The following CHM variants were observed in gnomAD, a reference collection of about 807,000 sequenced individuals.
The protein encoded by CHM is CHM Rab escort protein.
Under a neutral mutation model 49.0 loss-of-function variants are expected in CHM, and 10 were observed. The ratio of observed to expected loss-of-function variants is 0.20; its 90% CI spans 0.13 to 0.35. The LOEUF (loss-of-function observed/expected upper bound fraction) is 0.35. Ranked by LOEUF, CHM falls within the 10% of genes least tolerant of loss-of-function variation. The probability of loss-of-function intolerance (pLI) is 1.00; values close to 1 mark genes in which losing one functional copy is unlikely to be tolerated. For missense variants in CHM, 455 were observed against 478.4 expected, an observed-to-expected ratio of 0.95 and a Z score of 0.46; for synonymous variants, 184 against 167.5, an observed-to-expected ratio of 1.10 and a Z score of -0.76.
chrX:85,982,496 T>C (rs1357747081), intron 2 of CHM, among the ~76,000 whole-genome samples: 1 of 112,426 alleles, frequency 8.9e-6, no homozygotes. Flanking sequence ...CTCAGTCCTG[T>C]GAAGATCGCT....
intron 2 of CHM, among the ~76,000 whole-genome samples, chrX:86,002,372 T>TA (rs1932758736): frequency 9.1e-6 from 1 of 109,816 alleles, no homozygotes; most frequent in Non-Finnish European, 1.9e-5. Context: ...CTTTTTTTTT[T>TA]ACAGCTTCTT....
At chrX:85,885,519 T>C (rs1404662784) in intron 12 of CHM, among the ~76,000 whole-genome samples, 2 of 111,101 alleles carry the variant, frequency 1.8e-5, no homozygotes, top group African/African-American at 6.5e-5. Context: ...AACACATTCT[T>C]TGTTAAACAA....
In CHM at chrX:85,956,333, A is replaced by G; in HGVS notation, c.986T>C (p.Leu329Ser). The G allele has an allele frequency of 2.5e-6, 3 of 1,211,307 alleles. No individual in the cohort carries two copies. Among genetic ancestry groups the G allele is most frequent in the Non-Finnish European group, 3.4e-6 (3 of 895,259 alleles). The change falls in exon 8 of 15, where the codon TTA becomes TCA. Residue 329 changes from leucine to serine, a missense_variant. Physicochemically the swap from Leu to Ser is moderately radical, Grantham distance 145. Coordinates refer to ENST00000357749, the MANE Select transcript of CHM (RefSeq NM_000390.4). ...TFYEYLKTQK[L>S]TPNLQYIVMH... ...GACAATATATTGGAGGTTGGGGGTT[A>G]ATTTTTGAGTCTTTAAATATTCATA... is the stretch of plus-strand genomic sequence containing the variant.
chrX:85,956,158 G>A lies in CHM; in HGVS notation c.1161C>T (p.Phe387=). 8.3e-7 allele frequency: 1 copy of A among 1,207,788 alleles called. No homozygotes were observed. The highest frequency in any genetic ancestry group is 1.1e-6 in the Non-Finnish European group (1 of 892,144). ...AAAATCAATGGCAAACTTACCTGCA[G>A]AAACACTGGGGGAGTTCTCCTTGGC... ...LYGQGELPQC[F]CRMCAVFGGI... Residue 387 remains phenylalanine (F), a synonymous_variant, in exon 8 of 15, where the codon TTC becomes TTT. Transcript: ENST00000357749.
chrX:85,956,524 G>T (rs1168153061), intron 7 of CHM, 146 bp from the exon 8 acceptor site: 5 of 760,199 alleles, frequency 6.6e-6, no homozygotes, highest in Non-Finnish European at 7.2e-6. Flanking sequence ...GTTGATCTTA[G>T]GAAAAAATGG....
chrX:86,016,616 C>T (rs889632507), intron 2 of CHM, among the ~76,000 whole-genome samples: 1 of 112,589 alleles, frequency 8.9e-6, no homozygotes, highest in African/African-American at 3.2e-5. Context: ...GGTTTAGGAA[C>T]CTCCACCTAT....
chrX:85,868,271 G>T (rs1169583321), intron 14 of CHM, among the ~76,000 whole-genome samples: 1 of 110,596 alleles, frequency 9.0e-6, no homozygotes, highest in Non-Finnish European at 1.9e-5. Context: ...TGGTTTAAGG[G>T]TATGAACTTT....
At chrX:85,905,227 G>T (rs1926520769) in intron 9 of CHM, among the ~76,000 whole-genome samples, 1 of 110,923 alleles carries the variant, frequency 9.0e-6, no homozygotes, top group African/African-American at 3.3e-5. Context: ...TTTATATCTA[G>T]TCTGCTATAA....
chrX:86,047,258 G>A (rs768187026), intron 1 of CHM: 3 of 455,799 alleles, frequency 6.6e-6, no homozygotes, highest in African/African-American at 2.4e-5. Context: ...TCAGCAATCA[G>A]CATCGACCAG....
Position 85,879,068 on chromosome X carries a change from TA to T in CHM, c.1511-6del, listed in dbSNP as rs775072539. On this transcript the variant is annotated splice_region_variant and splice_polypyrimidine_tract_variant and intron_variant, in intron 12 of 14. Transcript: ENST00000357749. ...TGCAAGTCAAATGAACCAAATCTGTTAAAAAAAAAATATTTGAGTTCCTTGT... is the reference window on the plus strand; with the variant it reads ...TGCAAGTCAAATGAACCAAATCTGTTAAAAAAAAATATTTGAGTTCCTTGT... 3.3e-3 allele frequency: 3,504 copies of T among 1,046,068 alleles called. 9 individuals are homozygous for T. The highest frequency in any genetic ancestry group is 0.013 in the African/African-American group (669 of 52,588). The allele number at this position is 1,046,068 out of a possible 1,213,427, so 86.2% of individuals were successfully genotyped here. A position where few individuals can be genotyped will look rare whatever the true frequency, so the allele number is the denominator to read the frequency against.
At chrX:85,906,422 G>A (rs1407220526) in intron 9 of CHM, among the ~76,000 whole-genome samples, 1 of 111,779 alleles carries the variant, frequency 8.9e-6, no homozygotes, top group African/African-American at 3.3e-5. Flanking sequence ...TGTAACAAAT[G>A]GTTCTACAAG....
chrX:85,938,099 A>C (rs1427892722), intron 8 of CHM, among the ~76,000 whole-genome samples: 1 of 111,812 alleles, frequency 8.9e-6, no homozygotes, highest in Non-Finnish European at 1.9e-5. Context: ...ATTAACGACA[A>C]TGTTCACTGA....
chrX:85,939,023 T>C (rs187200144), intron 8 of CHM, among the ~76,000 whole-genome samples: 2 of 112,440 alleles, frequency 1.8e-5, no homozygotes, highest in African/African-American at 6.4e-5. Flanking sequence ...TATGTTTAGA[T>C]ACACAAATAC....
intron 2 of CHM, among the ~76,000 whole-genome samples, chrX:85,998,628 T>TA (rs755726581): frequency 9.0e-6 from 1 of 111,714 alleles, no homozygotes; most frequent in Admixed American, 9.6e-5. Flanking sequence ...CACTGTAGAG[T>TA]ATCAGCTACT....
At chrX:85,874,899 G>A (rs1359335772) in intron 13 of CHM, among the ~76,000 whole-genome samples, 5 of 111,364 alleles carry the variant, frequency 4.5e-5, no homozygotes, top group Non-Finnish European at 1.9e-5. Flanking sequence ...CTATGATTTG[G>A]GATACCAGAC....
At chrX:85,964,609 G>C (rs1930480624) in intron 4 of CHM, among the ~76,000 whole-genome samples, 1 of 111,686 alleles carries the variant, frequency 9.0e-6, no homozygotes, top group Non-Finnish European at 1.9e-5. Context: ...AGGAATTCCT[G>C]ACTTGGTGAT....
chrX:85,970,214 T>C, intron 4 of CHM: 1 of 646,991 alleles, frequency 1.5e-6, no homozygotes, highest in Non-Finnish European at 1.8e-6. Flanking sequence ...TATACAATTA[T>C]TATGTATCAA....
At chrX:85,982,438 A>G (rs1279090659) in intron 2 of CHM, among the ~76,000 whole-genome samples, 3 of 112,431 alleles carry the variant, frequency 2.7e-5, no homozygotes, top group Non-Finnish European at 5.6e-5. Context: ...TAAGTATAAT[A>G]GAAACAAAAC....
Position 85,864,837 on chromosome X carries a change from A to C in CHM, c.1771-16T>G. ...GTGTTTCAGCCTGGCCAAGGAAGAAAAGATAAAATCGTTTTTGGAAATCGG... is the reference window on the plus strand; with the variant it reads ...GTGTTTCAGCCTGGCCAAGGAAGAACAGATAAAATCGTTTTTGGAAATCGG... On this transcript the variant is annotated splice_polypyrimidine_tract_variant and intron_variant, in intron 14 of 14. Transcript: ENST00000357749. 8.4e-7 allele frequency: 1 copy of C among 1,194,679 alleles called. No individual in the cohort carries two copies. Among genetic ancestry groups the C allele is most frequent in the Non-Finnish European group, 1.1e-6 (1 of 884,111 alleles).
Sources: gnomAD v4.1 joint callset for allele counts (sites outside exome capture counted in the v4.1 genomes callset) on GRCh38, gnomAD v4.1.1 for gene constraint, MANE v1.5 for transcripts, NCBI Gene and HGNC (gene_info 2026-07-23, HGNC 2026-07-21) for gene names.